The following MBNL2 variants were observed in gnomAD, a reference collection of about 807,000 sequenced individuals.
The protein encoded by MBNL2 is muscleblind-like protein 2.
MBNL2 carries 17 observed loss-of-function variants against 41.9 expected under a neutral mutation model. That is an observed-to-expected ratio of 0.41 (90% CI 0.28 to 0.61). The LOEUF (loss-of-function observed/expected upper bound fraction) is 0.61, where lower values mean the gene tolerates loss of function less well. Ranked by LOEUF, MBNL2 falls within the 20% of genes least tolerant of loss-of-function variation. MBNL2 has a pLI of 0.35. For synonymous variants in MBNL2, 195 were observed against 182.9 expected, an observed-to-expected ratio of 1.07 and a Z score of -0.53; for missense variants, 336 against 505.6, an observed-to-expected ratio of 0.66 and a Z score of 3.22.
At chr13:97,224,600 T>C (rs2041307273) in intron 1 of MBNL2, among the ~76,000 whole-genome samples, 2 of 144,454 alleles carry the variant, frequency 1.4e-5, no homozygotes, top group South Asian at 4.4e-4. Flanking sequence ...CCCTCATCAT[T>C]TAGCATTTTG....
chr13:97,287,721 C>CTTTTTTT (rs768809008), intron 2 of MBNL2, among the ~76,000 whole-genome samples: 11 of 114,932 alleles, frequency 9.6e-5, no homozygotes, highest in African/African-American at 2.7e-4. Flanking sequence ...CTTTTCTTTT[C>CTTTTTTT]TTTTTTTTTT....
intron 2 of MBNL2, among the ~76,000 whole-genome samples, chr13:97,299,482 A>C (rs1295326156): frequency 6.6e-6 from 1 of 152,154 alleles, no homozygotes; most frequent in Admixed American, 6.5e-5. Flanking sequence ...CAATGGTTCA[A>C]CTCAACCATT....
At position 97,381,233 on chromosome 13, in the gene MBNL2, G is replaced by A. The variant is rs567428572; in HGVS notation, c.1049-10089G>A. ...AGCATCCCACCAGTTTGAGAAATGT[G>A]TAAGATGATGACGATACACAAAGAC... is the stretch of plus-strand genomic sequence containing the variant. On this transcript the variant is annotated intron_variant, in intron 8 of 8. Transcript: ENST00000679496. 2.8e-4 allele frequency among the ~76,000 whole-genome samples: 43 copies of A among 152,248 alleles called. 2 individuals are homozygous for A. In the South Asian group the frequency reaches 4.8e-3, roughly 17 times the overall value.
At chr13:97,368,670 G>T (rs965744993) in intron 8 of MBNL2, among the ~76,000 whole-genome samples, 4 of 151,620 alleles carry the variant, frequency 2.6e-5, no homozygotes, top group Non-Finnish European at 4.4e-5. Context: ...AAAAAACTTT[G>T]AGAGAGAGAT....
At chr13:97,285,755 C>A (rs2054298025) in intron 2 of MBNL2, among the ~76,000 whole-genome samples, 1 of 150,964 alleles carries the variant, frequency 6.6e-6, no homozygotes, top group South Asian at 2.1e-4. Flanking sequence ...ATTGAGGGCA[C>A]AGTGAATTTA....
chr13:97,374,158 A>T (rs1341618043), intron 8 of MBNL2, among the ~76,000 whole-genome samples: 1 of 107,686 alleles, frequency 9.3e-6, no homozygotes. Context: ...TTTTATTTTT[A>T]TTTTTTTGAA....
At chr13:97,336,422 C>G (rs931112286) in intron 3 of MBNL2, among the ~76,000 whole-genome samples, 1 of 152,066 alleles carries the variant, frequency 6.6e-6, no homozygotes, top group African/African-American at 2.4e-5. Flanking sequence ...AGGGGCTTGA[C>G]AGATGGGATT....
intron 7 of MBNL2, among the ~76,000 whole-genome samples, chr13:97,360,211 C>A (rs140632050): frequency 4.5e-4 from 68 of 152,070 alleles, no homozygotes; most frequent in African/African-American, 1.6e-3. Flanking sequence ...TTGTTTTAAC[C>A]ATTCATAGTT....
intron 5 of MBNL2, among the ~76,000 whole-genome samples, chr13:97,356,400 C>T (rs928299017): frequency 7.1e-6 from 1 of 141,602 alleles, no homozygotes; most frequent in African/African-American, 2.9e-5. Context: ...TTCTTCGATC[C>T]TATGGCCCTT....
chr13:97,367,691 G>T (rs945969892), intron 8 of MBNL2, among the ~76,000 whole-genome samples: 10 of 152,156 alleles, frequency 6.6e-5, no homozygotes, highest in African/African-American at 1.9e-4. Context: ...TGCTGACTGT[G>T]GCCTCAGCAT....
chr13:97,387,601 C>A (rs1403419066), intron 8 of MBNL2, among the ~76,000 whole-genome samples: 1 of 152,186 alleles, frequency 6.6e-6, no homozygotes, highest in Admixed American at 6.5e-5. Flanking sequence ...CTCTTTGGAA[C>A]CTCTGTGTCC....
intron 5 of MBNL2, among the ~76,000 whole-genome samples, chr13:97,350,982 C>T (rs1422915030): frequency 3.3e-5 from 5 of 152,196 alleles, no homozygotes; most frequent in Non-Finnish European, 5.9e-5. Context: ...TCAGAGGAAT[C>T]ACTATCTGTG....
intron 1 of MBNL2, among the ~76,000 whole-genome samples, chr13:97,229,682 G>T (rs1023323565): frequency 6.6e-6 from 1 of 152,154 alleles, no homozygotes; most frequent in African/African-American, 2.4e-5. Flanking sequence ...AGATGGAGAT[G>T]AAGTGTTAGG....
At chr13:97,300,170 T>G (rs1248652920) in intron 2 of MBNL2, among the ~76,000 whole-genome samples, 1 of 152,122 alleles carries the variant, frequency 6.6e-6, no homozygotes, top group Admixed American at 6.6e-5. Flanking sequence ...ACACATCACT[T>G]CCACTCACAA....
intron 2 of MBNL2, among the ~76,000 whole-genome samples, chr13:97,308,280 T>C (rs971182565): frequency 2.0e-5 from 3 of 152,206 alleles, no homozygotes; most frequent in African/African-American, 7.2e-5. Flanking sequence ...AGATCAATAC[T>C]CCTCTCAGAG....
chr13:97,241,737 C>A (rs538772434), intron 1 of MBNL2, among the ~76,000 whole-genome samples: 2 of 152,170 alleles, frequency 1.3e-5, no homozygotes, highest in South Asian at 4.1e-4. Context: ...ATTGGAGAAC[C>A]CTGAGACCAA....
At chr13:97,287,721 C>CTTTTTTTTTTTTTTTTTTTTTTTTT (rs768809008) in intron 2 of MBNL2, among the ~76,000 whole-genome samples, 3 of 114,936 alleles carry the variant, frequency 2.6e-5, no homozygotes, top group African/African-American at 4.5e-5. Context: ...CTTTTCTTTT[C>CTTTTTTTTTTTTTTTTTTTTTTTTT]TTTTTTTTTT....
chr13:97,178,964 A>G, the MBNL2 span, among the ~76,000 whole-genome samples: 1 of 152,248 alleles, frequency 6.6e-6, no homozygotes, highest in Non-Finnish European at 1.5e-5. Context: ...TTAATTTGAG[A>G]TAAATAGTTG....
At chr13:97,243,589 CG>C (rs1457139680) in intron 1 of MBNL2, among the ~76,000 whole-genome samples, 3 of 152,126 alleles carry the variant, frequency 2.0e-5, no homozygotes, top group Non-Finnish European at 2.9e-5. Context: ...TGGAGAAGCA[CG>C]TCAGTCTTCT....
Sources: allele counts gnomAD v4.1 joint callset (sites outside exome capture counted in the v4.1 genomes callset), GRCh38; gene constraint gnomAD v4.1.1; transcripts MANE v1.5; gene names NCBI Gene and HGNC (gene_info 2026-07-23, HGNC 2026-07-21).